CNGB3: variants seen among roughly 807,000 people sequenced by gnomAD.
The protein encoded by CNGB3 is cyclic nucleotide gated channel subunit beta 3.
In CNGB3, 86 loss-of-function variants were observed where a neutral mutation model predicts 92.8. The observed-to-expected ratio is 0.93, with a 90% CI of 0.78 to 1.11. CNGB3 has a LOEUF of 1.11. CNGB3 is among the 50% of genes least tolerant of loss of function. CNGB3 has a pLI of 0.00. For synonymous variants in CNGB3, 333 were observed against 332.7 expected, an observed-to-expected ratio of 1.00 and a Z score of -0.01; for missense variants, 1,026 against 956.8, an observed-to-expected ratio of 1.07 and a Z score of -0.95.
chr8:86,578,037 G>A (rs1379473332), intron 17 of CNGB3, among the ~76,000 whole-genome samples: 3 of 152,096 alleles, frequency 2.0e-5, no homozygotes, highest in Non-Finnish European at 2.9e-5. Context: ...AGCCTCCCAA[G>A]TAGCTGGGAC....
chr8:86,723,238 C>T (rs1000375294), intron 3 of CNGB3, among the ~76,000 whole-genome samples: 12 of 152,032 alleles, frequency 7.9e-5, no homozygotes, highest in East Asian at 3.9e-4. Flanking sequence ...TCAAGGCTTA[C>T]GTGAGAAGAT....
intron 3 of CNGB3, among the ~76,000 whole-genome samples, chr8:86,689,625 A>C (rs1439421120): frequency 6.6e-6 from 1 of 151,544 alleles, no homozygotes; most frequent in Non-Finnish European, 1.5e-5. Context: ...GGTTTGTTAC[A>C]TATGTATACA....
intron 15 of CNGB3, among the ~76,000 whole-genome samples, chr8:86,581,082 A>G (rs1269497007): frequency 6.6e-6 from 1 of 152,214 alleles, no homozygotes; most frequent in Non-Finnish European, 1.5e-5. Flanking sequence ...CTGACAGGTT[A>G]AGAGCCTGGA....
At chr8:86,599,526 A>G (rs1822246041) in intron 15 of CNGB3, among the ~76,000 whole-genome samples, 1 of 152,170 alleles carries the variant, frequency 6.6e-6, no homozygotes, top group Non-Finnish European at 1.5e-5. Context: ...TCAAAAGCAA[A>G]TGGGAGAAAT....
intron 3 of CNGB3, among the ~76,000 whole-genome samples, chr8:86,674,842 T>A (rs1823934960): frequency 6.6e-6 from 1 of 152,006 alleles, no homozygotes; most frequent in Admixed American, 6.6e-5. Flanking sequence ...AGCCTTGACT[T>A]CCCTGGGCTC....
At position 86,667,134 on chromosome 8, in the gene CNGB3, C is replaced by A; in HGVS notation, c.644-1G>T. 1.2e-6 allele frequency: 2 copies of A among 1,613,296 alleles called. No individual in the cohort carries two copies. The highest frequency in any genetic ancestry group is 1.7e-6 in the Non-Finnish European group (2 of 1,179,446). On this transcript the variant is annotated splice_acceptor_variant, in intron 5 of 17. Coordinates refer to ENST00000320005, the MANE Select transcript of CNGB3 (RefSeq NM_019098.5). LOFTEE classifies it high-confidence loss of function. ...AAGAGCCACAGGAGATAGAGTCGAT[C>A]TGGAAAAACAGCAAGTGGTGAAATC...
intron 10 of CNGB3, among the ~76,000 whole-genome samples, chr8:86,636,569 T>C (rs1823075410): frequency 1.7e-5 from 1 of 57,234 alleles, no homozygotes; most frequent in South Asian, 5.9e-4. Context: ...TAAGACCCTG[T>C]CTCAAAAAAA....
At chr8:86,591,477 A>G (rs376191505) in intron 15 of CNGB3, among the ~76,000 whole-genome samples, 3 of 149,332 alleles carry the variant, frequency 2.0e-5, no homozygotes, top group South Asian at 2.1e-4. Flanking sequence ...GGTTTTATCT[A>G]CTTTTGGTCT....
At chr8:86,629,169 T>G (rs529979171) in intron 11 of CNGB3, 91 bp from the exon 12 acceptor site, 1 of 1,339,150 alleles carries the variant, frequency 7.5e-7, no homozygotes, top group Non-Finnish European at 1.1e-6. Context: ...TATACTTCCT[T>G]CTAATGCCCT....
Position 86,641,378 on chromosome 8 carries a change from C to G in CNGB3, c.1178+2373G>C, listed in dbSNP as rs539787505. The stretch of plus-strand genomic sequence containing the variant: ...GCAGTAGCTATTTTTTTATTTCTTA[C>G]TTTCTTAATAAATTTGCTTTCACTT... On this transcript the variant is annotated intron_variant, in intron 10 of 17. Transcript: ENST00000320005. Among the ~76,000 whole-genome samples, 31 of 152,092 alleles carry G rather than the reference C, an allele frequency of 2.0e-4. No homozygotes were observed. The South Asian group carries it at 6.2e-3, about 31-fold the overall frequency.
At chr8:86,694,034 C>T (rs1432876262) in intron 3 of CNGB3, among the ~76,000 whole-genome samples, 111 of 147,232 alleles carry the variant, frequency 7.5e-4, no homozygotes, top group African/African-American at 2.4e-3. Context: ...CGGGCAGAGG[C>T]GCCCCTCACC....
intron 3 of CNGB3, among the ~76,000 whole-genome samples, chr8:86,694,475 C>T (rs1422240309): frequency 2.2e-4 from 34 of 151,294 alleles, no homozygotes; most frequent in Admixed American, 6.6e-4. Flanking sequence ...GGGTGGCTGC[C>T]GGACGGAGGG....
At chr8:86,647,516 T>C (rs3735968) in intron 8 of CNGB3, among the ~76,000 whole-genome samples, 9,062 of 150,998 alleles carry the variant, frequency 0.06, 306 homozygotes, top group South Asian at 0.11. Flanking sequence ...TTTGTAATTA[T>C]AGCTAAATTT....
chr8:86,581,620 T>C (rs1240431760), intron 15 of CNGB3, among the ~76,000 whole-genome samples: 1 of 152,190 alleles, frequency 6.6e-6, no homozygotes, highest in Non-Finnish European at 1.5e-5. Flanking sequence ...ACTTCCTGTC[T>C]TATCTAAGGG....
At chr8:86,604,870 T>C (rs1822383151) in intron 14 of CNGB3, among the ~76,000 whole-genome samples, 1 of 152,182 alleles carries the variant, frequency 6.6e-6, no homozygotes, top group Non-Finnish European at 1.5e-5. Context: ...TGAGCCAGTA[T>C]AGCAGGATGT....
intron 7 of CNGB3, among the ~76,000 whole-genome samples, chr8:86,651,846 G>A (rs1823409826): frequency 6.6e-6 from 1 of 151,958 alleles, no homozygotes; most frequent in African/African-American, 2.4e-5. Flanking sequence ...AAGTTAACAA[G>A]CTAATAGTGA....
intron 3 of CNGB3, chr8:86,708,040 A>G (rs1383156999): frequency 6.6e-6 from 1 of 152,210 alleles, no homozygotes; most frequent in Non-Finnish European, 1.5e-5. Context: ...ATTTTGCCAT[A>G]TCTGATTCCT....
intron 1 of CNGB3, among the ~76,000 whole-genome samples, chr8:86,741,792 A>G (rs77773391): frequency 1.3e-5 from 2 of 152,308 alleles, no homozygotes; most frequent in South Asian, 2.1e-4. Context: ...TAATCTAAGT[A>G]CTTCTCCAAT....
intron 15 of CNGB3, 70 bp downstream of exon 15, chr8:86,604,023 T>C (rs1057138497): frequency 1.0e-6 from 1 of 989,682 alleles, no homozygotes; most frequent in African/African-American, 1.6e-5. Flanking sequence ...GGGAACTTAT[T>C]TTACTACCTA....
Sources: allele counts gnomAD v4.1 joint callset (sites outside exome capture counted in the v4.1 genomes callset), GRCh38; gene constraint gnomAD v4.1.1; transcripts MANE v1.5; gene names NCBI Gene and HGNC (gene_info 2026-07-23, HGNC 2026-07-21).